RERG: variants seen among roughly 807,000 people sequenced by gnomAD.
The protein encoded by RERG is ras-related and estrogen-regulated growth inhibitor.
In RERG, 25 loss-of-function variants were observed where a neutral mutation model predicts 23.2. The observed-to-expected ratio is 1.08, with a 90% confidence interval of 0.79 to 1.50. RERG has a LOEUF of 1.50. Among genes scored for constraint, RERG ranks in the 40% most tolerant of loss-of-function variants. The probability of loss-of-function intolerance (pLI) is 0.00; values close to 1 mark genes in which losing one functional copy is unlikely to be tolerated. For missense variants in RERG, 253 were observed against 250.1 expected, an observed-to-expected ratio of 1.01 and a Z score of -0.08; for synonymous variants, 81 against 89.1, an observed-to-expected ratio of 0.91 and a Z score of 0.51.
At chr12:15,188,720 G>A (rs1167596052) in intron 2 of RERG, among the ~76,000 whole-genome samples, 1 of 152,198 alleles carries the variant, frequency 6.6e-6, no homozygotes, top group African/African-American at 2.4e-5. Context: ...TGTAATAGGT[G>A]CTCAATAGTA....
chr12:15,198,485 A>G (rs1865174555), intron 2 of RERG, among the ~76,000 whole-genome samples: 1 of 152,128 alleles, frequency 6.6e-6, no homozygotes, highest in African/African-American at 2.4e-5. Flanking sequence ...TTCACTCTGT[A>G]TAGAATATGT....
chr12:15,133,144 G>GATATATATATAT (rs1491335287), intron 2 of RERG, among the ~76,000 whole-genome samples: 3 of 59,216 alleles, frequency 5.1e-5, no homozygotes, highest in Admixed American at 3.9e-4. Flanking sequence ...ATATCCTGTG[G>GATATATATATAT]AGATATATAT....
At chr12:15,212,906 T>C (rs7972381) in intron 2 of RERG, among the ~76,000 whole-genome samples, 3,655 of 152,254 alleles carry the variant, frequency 0.024, 140 homozygotes, top group African/African-American at 0.081. Context: ...TTCTTTATAA[T>C]TGACAGAGAA....
At chr12:15,126,879 G>A (rs947181271) in intron 2 of RERG, among the ~76,000 whole-genome samples, 4 of 150,310 alleles carry the variant, frequency 2.7e-5, no homozygotes, top group Non-Finnish European at 1.5e-5. Context: ...CGCCACACCC[G>A]GCTAATTTTT....
intron 2 of RERG, among the ~76,000 whole-genome samples, chr12:15,212,068 T>G (rs1416326951): frequency 1.2e-4 from 17 of 138,664 alleles, no homozygotes; most frequent in Non-Finnish European, 2.2e-4. Flanking sequence ...TTTTTTTTTT[T>G]TTGAGACGGA....
At chr12:15,181,221 G>A (rs984764112) in intron 2 of RERG, among the ~76,000 whole-genome samples, 1 of 152,204 alleles carries the variant, frequency 6.6e-6, no homozygotes, top group African/African-American at 2.4e-5. Flanking sequence ...ACTGAGTCAT[G>A]TGGATTTAAC....
intron 3 of RERG, among the ~76,000 whole-genome samples, chr12:15,117,288 A>G (rs1026449688): frequency 6.6e-6 from 1 of 152,108 alleles, no homozygotes; most frequent in Non-Finnish European, 1.5e-5. Context: ...CTGGACATGT[A>G]ATTTTGATTA....
At chr12:15,173,541 A>C (rs1864805056) in intron 2 of RERG, among the ~76,000 whole-genome samples, 1 of 152,006 alleles carries the variant, frequency 6.6e-6, no homozygotes, top group African/African-American at 2.4e-5. Flanking sequence ...ATTGCAATGA[A>C]TCTGTAGATC....
chr12:15,155,499 G>A (rs1864508504), intron 2 of RERG, among the ~76,000 whole-genome samples: 1 of 152,156 alleles, frequency 6.6e-6, no homozygotes, highest in Non-Finnish European at 1.5e-5. Flanking sequence ...CCAGAGCACT[G>A]GGGTCACAAT....
At chr12:15,149,926 G>A (rs942854099) in intron 2 of RERG, among the ~76,000 whole-genome samples, 3 of 152,094 alleles carry the variant, frequency 2.0e-5, no homozygotes, top group East Asian at 1.9e-4. Flanking sequence ...TTTCCTTTGC[G>A]CTCTATGGCC....
At chr12:15,139,285 T>C (rs143858777) in intron 2 of RERG, among the ~76,000 whole-genome samples, 13 of 152,174 alleles carry the variant, frequency 8.5e-5, no homozygotes, top group African/African-American at 3.1e-4. Context: ...TCCTCTTTAA[T>C]ATTGTGTTGG....
At chr12:15,173,428 T>A (rs1864803350) in intron 2 of RERG, among the ~76,000 whole-genome samples, 1 of 152,056 alleles carries the variant, frequency 6.6e-6, no homozygotes, top group Non-Finnish European at 1.5e-5. Flanking sequence ...TTCCTCTTTT[T>A]CAAGATTGTT....
intron 2 of RERG, among the ~76,000 whole-genome samples, chr12:15,173,551 C>G (rs943301086): frequency 6.6e-6 from 1 of 151,862 alleles, no homozygotes; most frequent in African/African-American, 2.4e-5. Flanking sequence ...ATCTGTAGAT[C>G]AGTTTGGAGA....
At chr12:15,111,068 G>T in intron 4 of RERG, 1 of 263,890 alleles carries the variant, frequency 3.8e-6, no homozygotes. Context: ...TTAATATCTT[G>T]CTATGCCACA....
chr12:15,197,723 G>A (rs1242159224), intron 2 of RERG, among the ~76,000 whole-genome samples: 1 of 152,154 alleles, frequency 6.6e-6, no homozygotes, highest in Non-Finnish European at 1.5e-5. Context: ...CCTAATTTAA[G>A]TCATTTTAGG....
chr12:15,119,765 A>G (rs898835851), intron 3 of RERG, among the ~76,000 whole-genome samples: 2 of 152,218 alleles, frequency 1.3e-5, no homozygotes, highest in African/African-American at 4.8e-5. Flanking sequence ...TAAAAGGTGG[A>G]ATAACATAAA....
intron 2 of RERG, among the ~76,000 whole-genome samples, chr12:15,212,809 G>A (rs1024620354): frequency 1.3e-5 from 2 of 152,160 alleles, no homozygotes; most frequent in Non-Finnish European, 2.9e-5. Context: ...TTTAAAGCAG[G>A]TTTTGACGGT....
chr12:15,172,446 A>G (rs1864790191), intron 2 of RERG, among the ~76,000 whole-genome samples: 1 of 152,124 alleles, frequency 6.6e-6, no homozygotes, highest in African/African-American at 2.4e-5. Context: ...TTCCATGCAC[A>G]AGATTTTATG....
intron 3 of RERG, chr12:15,112,353 A>G (rs984272313): frequency 6.6e-6 from 1 of 152,266 alleles, no homozygotes; most frequent in Non-Finnish European, 1.5e-5. Flanking sequence ...GGCAGCATGG[A>G]GGGGAGGTGG....
Sources: gnomAD v4.1 joint callset for allele counts (sites outside exome capture counted in the v4.1 genomes callset) on GRCh38, gnomAD v4.1.1 for gene constraint, MANE v1.5 for transcripts, NCBI Gene and HGNC (gene_info 2026-07-23, HGNC 2026-07-21) for gene names.